Variants in TNFSF8 observed in about 807,000 individuals in gnomAD.
TNFSF8 encodes the protein tumor necrosis factor ligand superfamily member 8.
A neutral mutation model predicts 22.0 loss-of-function variants in TNFSF8; 4 were observed. That is an observed-to-expected ratio of 0.18 (90% CI 0.09 to 0.42). The LOEUF is 0.42. TNFSF8 is among the 10% of genes least tolerant of loss of function. The pLI, the probability that TNFSF8 is intolerant of heterozygous loss-of-function variation, is 1.00. For synonymous variants in TNFSF8, 106 were observed against 112.5 expected, an observed-to-expected ratio of 0.94 and a Z score of 0.37; for missense variants, 233 against 281.8, an observed-to-expected ratio of 0.83 and a Z score of 1.24.
rs916427236 is a variant in TNFSF8 at position 114,918,962 on chromosome 9, C to CT, written c.196-825dup. 2.5e-3 allele frequency among the ~76,000 whole-genome samples: 370 copies of CT among 150,788 alleles called. 6 individuals are homozygous for CT. Among genetic ancestry groups the CT allele is most frequent in the Admixed American group, 2.9e-3 (44 of 15,132 alleles). On this transcript the variant is annotated intron_variant, in intron 1 of 3. Coordinates refer to ENST00000223795, the MANE Select transcript of TNFSF8 (RefSeq NM_001244.4). ...CCTCCATATGTTTGGGTGTTTTTTT[C>CT]TTTTTTTTTCCTTCTGGTCAACATG...
chr9:114,918,538 C>T (rs551277249), intron 1 of TNFSF8, among the ~76,000 whole-genome samples: 3 of 152,076 alleles, frequency 2.0e-5, no homozygotes, highest in Admixed American at 2.0e-4. Context: ...CAGCTTCATC[C>T]TCCTGAGTTC....
At chr9:114,929,988 A>G (rs899934145) in intron 1 of TNFSF8, 121 bp downstream of exon 1, 97 of 537,332 alleles carry the variant, frequency 1.8e-4, no homozygotes, top group Non-Finnish European at 2.6e-4. Context: ...AGAGAGAGAG[A>G]GTTTATTTAT....
chr9:114,909,390 G>A (rs1361232088), intron 2 of TNFSF8, among the ~76,000 whole-genome samples: 1 of 152,196 alleles, frequency 6.6e-6, no homozygotes, highest in Admixed American at 6.5e-5. Context: ...GCATCAGAGT[G>A]GGGGAAGTGA....
Position 114,903,651 on chromosome 9 carries a change from A to C in TNFSF8, c.*280T>G. 9.3e-7 allele frequency: 1 copy of C among 1,076,874 alleles called. No individual in the cohort carries two copies. The highest frequency in any genetic ancestry group is 1.1e-6 in the Non-Finnish European group (1 of 874,600). The allele number at this position is 1,076,874 out of a possible 1,614,324, so 66.7% of individuals were successfully genotyped here. On this transcript the variant is annotated 3_prime_UTR_variant, in exon 4 of 4. Coordinates refer to ENST00000223795, the MANE Select transcript of TNFSF8 (RefSeq NM_001244.4). ...AGATCAAGACCATACAGTGAATTAG[A>C]GGTTGGGCTGGGACATCCATTCATC...
intron 1 of TNFSF8, among the ~76,000 whole-genome samples, chr9:114,921,383 C>T (rs1408509744): frequency 6.6e-6 from 1 of 152,130 alleles, no homozygotes; most frequent in Non-Finnish European, 1.5e-5. Flanking sequence ...AGGAGGAAAC[C>T]AAGGCACTCA....
At chr9:114,912,133 T>G (rs1827859625) in intron 2 of TNFSF8, among the ~76,000 whole-genome samples, 1 of 152,208 alleles carries the variant, frequency 6.6e-6, no homozygotes, top group African/African-American at 2.4e-5. Flanking sequence ...GCAAAAATCA[T>G]GCAGCCTCTT....
chr9:114,894,445 C>G (rs1827637445), intron 4 of TNFSF8, among the ~76,000 whole-genome samples: 2 of 152,140 alleles, frequency 1.3e-5, no homozygotes, highest in Admixed American at 1.3e-4. Context: ...ACCTTGTGGA[C>G]AAAGGAATCA....
At chr9:114,894,482 G>A (rs1445210970) in intron 4 of TNFSF8, among the ~76,000 whole-genome samples, 1 of 152,168 alleles carries the variant, frequency 6.6e-6, no homozygotes, top group East Asian at 1.9e-4. Context: ...GTAGCCTCAG[G>A]GTAGTGCAGT....
intron 1 of TNFSF8, among the ~76,000 whole-genome samples, chr9:114,925,699 A>T (rs928645097): frequency 2.6e-5 from 4 of 152,074 alleles, no homozygotes; most frequent in African/African-American, 9.7e-5. Flanking sequence ...TATTATTATT[A>T]TTTTTAAAAA....
intron 2 of TNFSF8, among the ~76,000 whole-genome samples, chr9:114,911,330 G>A (rs572692466): frequency 8.9e-4 from 135 of 152,312 alleles, no homozygotes; most frequent in African/African-American, 3.2e-3. Context: ...CTCTGCATCT[G>A]CCATGCCCTG....
At position 114,905,996 on chromosome 9, in the gene TNFSF8, C is replaced by G. The variant is rs894796203; in HGVS notation, c.239-97G>C. ...TACAACACTTTGATGGAGACAATTA[C>G]CGTTCTGTTTTCCATTTTCAGAATA... On this transcript the variant is annotated intron_variant, in intron 2 of 3. Coordinates refer to ENST00000223795, the MANE Select transcript of TNFSF8 (RefSeq NM_001244.4). 5 of 784,666 alleles carry G rather than the reference C, an allele frequency of 6.4e-6. No homozygotes were observed. The African/African-American group carries it at 8.7e-5, about 14-fold the overall frequency. The allele number at this position is 784,666 out of a possible 1,614,324, so 48.6% of individuals were successfully genotyped here.
chr9:114,920,111 T>A (rs1827969428), intron 1 of TNFSF8, among the ~76,000 whole-genome samples: 1 of 152,226 alleles, frequency 6.6e-6, no homozygotes, highest in Non-Finnish European at 1.5e-5. Context: ...AAACTTGATA[T>A]CACAAAATTC....
chr9:114,923,794 A>C (rs1587940352), intron 1 of TNFSF8, among the ~76,000 whole-genome samples: 2 of 152,202 alleles, frequency 1.3e-5, no homozygotes, highest in Non-Finnish European at 2.9e-5. Flanking sequence ...TTGGGATTAC[A>C]GGCATGAGCC....
Position 114,927,482 on chromosome 9 carries a change from T to G in TNFSF8, c.195+2627A>C, listed in dbSNP as rs188161876. Among the ~76,000 whole-genome samples the G allele has an allele frequency of 3.0e-3, 464 of 152,268 alleles. 3 individuals are homozygous for G. The highest frequency in any genetic ancestry group is 0.01 in the African/African-American group (436 of 41,542). ...CTCATGCTGTTCCATTGGCTAGGAG[T>G]GCCTCTCCTCTGCTTTCCCTTCCCT... On this transcript the variant is annotated intron_variant, in intron 1 of 3. Coordinates refer to ENST00000223795, the MANE Select transcript of TNFSF8 (RefSeq NM_001244.4).
In TNFSF8 at chr9:114,901,715, C is replaced by T. The variant is rs1263556207; in HGVS notation, c.*2216G>A. 1.0e-6 allele frequency: 1 copy of T among 985,284 alleles called. No individual in the cohort carries two copies. Among genetic ancestry groups the T allele is most frequent in the East Asian group, 1.1e-4 (1 of 8,830 alleles). 61.0% of individuals were successfully genotyped at this position (985,284 alleles called of 1,614,324 possible). On this transcript the variant is annotated 3_prime_UTR_variant, in exon 4 of 4. Coordinates refer to ENST00000223795, the MANE Select transcript of TNFSF8 (RefSeq NM_001244.4). ...CACAGACCATTTGGCTTGCTGAATT[C>T]AACACCTCTTCCAATGCCTGCTTCT...
chr9:114,897,848 G>A (rs1325500892), downstream of TNFSF8, among the ~76,000 whole-genome samples: 1 of 152,096 alleles, frequency 6.6e-6, no homozygotes. Flanking sequence ...TAGAGTTTAG[G>A]AAGGCTATGT....
At chr9:114,914,249 C>T (rs1350848956) in intron 2 of TNFSF8, among the ~76,000 whole-genome samples, 2 of 152,174 alleles carry the variant, frequency 1.3e-5, no homozygotes, top group African/African-American at 4.8e-5. Flanking sequence ...CTTGCAAGAA[C>T]AGAGGGACCT....
chr9:114,917,521 C>T (rs181720739), intron 2 of TNFSF8, among the ~76,000 whole-genome samples: 5 of 152,282 alleles, frequency 3.3e-5, no homozygotes, highest in Admixed American at 2.6e-4. Context: ...CTAGTAGAGA[C>T]GACGTGTTAA....
At chr9:114,912,480 CTG>C (rs1827863545) in intron 2 of TNFSF8, among the ~76,000 whole-genome samples, 1 of 152,236 alleles carries the variant, frequency 6.6e-6, no homozygotes, top group Non-Finnish European at 1.5e-5. Flanking sequence ...ATCTCCGCCT[CTG>C]GGGTTCAAGC....
Sources: allele counts gnomAD v4.1 joint callset (sites outside exome capture counted in the v4.1 genomes callset), GRCh38; gene constraint gnomAD v4.1.1; transcripts MANE v1.5; gene names NCBI Gene and HGNC (gene_info 2026-07-23, HGNC 2026-07-21).